Variants in GOLGA8A observed in about 807,000 individuals in gnomAD.
GOLGA8A encodes the protein golgin A8 family member A.
Under a neutral mutation model 22.1 loss-of-function variants are expected in GOLGA8A, and 3 were observed. The observed-to-expected ratio is 0.14, with a 90% confidence interval of 0.06 to 0.35. The LOEUF (loss-of-function observed/expected upper bound fraction) is 0.35, where lower values mean the gene tolerates loss of function less well. Ranked by LOEUF, GOLGA8A falls within the 10% of genes least tolerant of loss-of-function variation. The probability of loss-of-function intolerance (pLI) is 1.00; values close to 1 mark genes in which losing one functional copy is unlikely to be tolerated. For missense variants in GOLGA8A, 16 were observed against 233.2 expected, an observed-to-expected ratio of 0.07 and a Z score of 6.07; for synonymous variants, 7 against 91.7, an observed-to-expected ratio of 0.08 and a Z score of 5.28.
rs756704488 is a variant in GOLGA8A, at chr15:34,381,612, A to C, written c.1611T>G (p.Asp537Glu). The change falls in exon 25 of 25, where the codon GAT (aspartate) becomes GAG (glutamate). Residue 537 changes from aspartate to glutamate, a missense_variant and splice_region_variant. Asp to Glu is a conservative substitution (Grantham distance 45). Coordinates refer to ENST00000359187, the MANE Select transcript of GOLGA8A (RefSeq NM_181077.5). ...TGTTGGTGAGGCTCGCCTCACAAAGATCTTTGGAGAGAGGGAGGCGGGGAT... is the reference window on the plus strand; with the variant it reads ...TGTTGGTGAGGCTCGCCTCACAAAGCTCTTTGGAGAGAGGGAGGCGGGGAT... ...QELGAADKHGDLCEASLTNSV... is the reference protein window; with the variant it reads ...QELGAADKHGELCEASLTNSV... 5.2e-6 allele frequency: 7 copies of C among 1,357,942 alleles called. No homozygotes were observed. The African/African-American group carries it at 8.3e-5, about 16-fold the overall frequency. The allele number at this position is 1,357,942 out of a possible 1,614,324, so 84.1% of individuals were successfully genotyped here. A position where few individuals can be genotyped will look rare whatever the true frequency, so the allele number is the denominator to read the frequency against.
chr15:34,435,269 A>G lies in GOLGA8A; in HGVS notation c.-1123+114T>C, dbSNP rs945359883. 3 of 149,634 alleles carry G rather than the reference A, an allele frequency of 2.0e-5. 1 individual carries two copies. Among genetic ancestry groups the G allele is most frequent in the Admixed American group, 6.7e-5 (1 of 14,818 alleles). 9.3% of individuals were successfully genotyped at this position (149,634 alleles called of 1,614,324 possible). A position where few individuals can be genotyped will look rare whatever the true frequency, so the allele number is the denominator to read the frequency against. ...CCAAACAAAGCCCAGCCTGATGCCA[A>G]TCTCACCATCAACTGTTTTTCCTCT... is the stretch of plus-strand genomic sequence containing the variant. On this transcript the variant is annotated intron_variant, in intron 2 of 24. Coordinates refer to ENST00000359187, the MANE Select transcript of GOLGA8A (RefSeq NM_181077.5).
chr15:34,430,494 C>T (rs1220701355), intron 2 of GOLGA8A, among the ~76,000 whole-genome samples: 4 of 149,068 alleles, frequency 2.7e-5, no homozygotes, highest in East Asian at 2.0e-4. Context: ...CTCAGTCCTG[C>T]CTCAGGGGCT....
At chr15:34,432,970 A>C (rs377751575) in intron 2 of GOLGA8A, among the ~76,000 whole-genome samples, 6 of 148,976 alleles carry the variant, frequency 4.0e-5, no homozygotes, top group Non-Finnish European at 7.5e-5. Context: ...GCCTCAAAAC[A>C]ACCACAGGCA....
At chr15:34,433,219 A>C (rs985640259) in intron 2 of GOLGA8A, among the ~76,000 whole-genome samples, 3 of 149,050 alleles carry the variant, frequency 2.0e-5, no homozygotes, top group African/African-American at 5.0e-5. Flanking sequence ...GGGAAAGCAG[A>C]GTGGCTGAGA....
chr15:34,437,155 G>A lies in GOLGA8A; in HGVS notation c.-1212+243C>T, dbSNP rs1399663000. Among the ~76,000 whole-genome samples, 2 of 147,078 alleles carry A rather than the reference G, an allele frequency of 1.4e-5. 1 individual carries two copies. Among genetic ancestry groups the A allele is most frequent in the Non-Finnish European group, 3.0e-5 (2 of 66,260 alleles). ...CGAAAGCCATCGCCTAGTCCCCGCC[G>A]CACCCGCCCGCCCATCGTGGGAGGA... is the stretch of plus-strand genomic sequence containing the variant. On this transcript the variant is annotated intron_variant, in intron 1 of 24. Transcript: ENST00000359187.
rs566370236 is a variant in GOLGA8A at position 34,430,979 on chromosome 15, C to T, written c.-1123+4404G>A. On this transcript the variant is annotated intron_variant, in intron 2 of 24. Transcript: ENST00000359187. ...TTCAGACAGATGCTAGAGCACATGGCTCACTTATTACACCAAAAGACTGAG... is the reference window on the plus strand; with the variant it reads ...TTCAGACAGATGCTAGAGCACATGGTTCACTTATTACACCAAAAGACTGAG... Among the ~76,000 whole-genome samples the T allele has an allele frequency of 1.9e-3, 279 of 146,508 alleles. 21 individuals are homozygous for T. Among genetic ancestry groups the T allele is most frequent in the African/African-American group, 6.6e-3 (263 of 40,066 alleles).
At chr15:34,434,822 C>T (rs74196569) in intron 2 of GOLGA8A, among the ~76,000 whole-genome samples, 14,067 of 149,326 alleles carry the variant, frequency 0.094, 1,769 homozygotes, top group South Asian at 0.25. Flanking sequence ...GTCCCCAGTG[C>T]TCACGGCCAC....
At chr15:34,417,726 G>A (rs953042740) in intron 2 of GOLGA8A, 47 of 145,924 alleles carry the variant, frequency 3.2e-4, no homozygotes, top group South Asian at 2.1e-3. Context: ...TTTCATTTCC[G>A]TACCAATGGT....
chr15:34,397,405 A>C (rs2140223830), intron 8 of GOLGA8A, among the ~76,000 whole-genome samples: 1 of 147,578 alleles, frequency 6.8e-6, no homozygotes, highest in South Asian at 2.1e-4. Context: ...TTCTTATATA[A>C]TACATTTATT....
At chr15:34,428,437 C>CCA (rs1412731335) in intron 2 of GOLGA8A, among the ~76,000 whole-genome samples, 2 of 148,426 alleles carry the variant, frequency 1.3e-5, no homozygotes, top group Non-Finnish European at 3.0e-5. Context: ...GCAGGCCTTT[C>CCA]CAGTTACAGC....
At chr15:34,434,130 C>T (rs1202898099) in intron 2 of GOLGA8A, among the ~76,000 whole-genome samples, 1 of 149,302 alleles carries the variant, frequency 6.7e-6, no homozygotes, top group African/African-American at 2.5e-5. Flanking sequence ...CAACCCAGGG[C>T]AGATCTGGGC....
rs1354476358 is a variant in GOLGA8A, at chr15:34,420,696, G to A, written c.-1122-12961C>T. The stretch of plus-strand genomic sequence containing the variant: ...TGCTTCAAATAGAAAACACACCATC[G>A]GCGGCCACTCCCCTGAGGAAAGGCA... On this transcript the variant is annotated intron_variant, in intron 2 of 24. Transcript: ENST00000359187. Among the ~76,000 whole-genome samples, 16 of 127,666 alleles carry A rather than the reference G, an allele frequency of 1.3e-4. No homozygotes were observed. In the East Asian group the frequency reaches 2.9e-3, roughly 23 times the overall value. The allele number at this position is 127,666 out of a possible 152,430, so 83.8% of individuals were successfully genotyped here.
rs1892784419 is a variant in GOLGA8A, at chr15:34,421,223, A to G, written c.-1122-13488T>C. Among the ~76,000 whole-genome samples, 2 of 143,738 alleles carry G rather than the reference A, an allele frequency of 1.4e-5. 1 individual carries two copies. The highest frequency in any genetic ancestry group is 3.0e-5 in the Non-Finnish European group (2 of 65,574). 94.3% of individuals were successfully genotyped at this position (143,738 alleles called of 152,430 possible). A position where few individuals can be genotyped will look rare whatever the true frequency, so the allele number is the denominator to read the frequency against. ...GGTCTGCCCAGGCCACCACGGGGGC[A>G]GAGACGTGAAACAGGCTTCAGCTAC... On this transcript the variant is annotated intron_variant, in intron 2 of 24. Transcript: ENST00000359187.
At position 34,431,812 on chromosome 15, in the gene GOLGA8A, A is replaced by T. The variant is rs939790389; in HGVS notation, c.-1123+3571T>A. Among the ~76,000 whole-genome samples, 5 of 148,644 alleles carry T rather than the reference A, an allele frequency of 3.4e-5. 1 individual carries two copies. The highest frequency in any genetic ancestry group is 6.0e-5 in the Non-Finnish European group (4 of 67,116). ...TTTTAAATATTTTATATATTTTTTT[A>T]AAATAAAGTAACTGCACTACAACTT... On this transcript the variant is annotated intron_variant, in intron 2 of 24. Transcript: ENST00000359187.
At chr15:34,431,728 G>A (rs1265979510) in intron 2 of GOLGA8A, among the ~76,000 whole-genome samples, 5 of 148,548 alleles carry the variant, frequency 3.4e-5, no homozygotes, top group African/African-American at 1.2e-4. Flanking sequence ...CCGTACACTA[G>A]TGCAGACTTT....
Position 34,426,239 on chromosome 15 carries a change from G to A in GOLGA8A, c.-1123+9144C>T, listed in dbSNP as rs888236794. On this transcript the variant is annotated intron_variant, in intron 2 of 24. Coordinates refer to ENST00000359187, the MANE Select transcript of GOLGA8A (RefSeq NM_181077.5). ...ATAAACAGTCACATATTATGCAAGCGTCAGAATAACGCTGCTTGCGCAAAG... is the reference window on the plus strand; with the variant it reads ...ATAAACAGTCACATATTATGCAAGCATCAGAATAACGCTGCTTGCGCAAAG... 1.3e-5 allele frequency among the ~76,000 whole-genome samples: 2 copies of A among 149,812 alleles called. 1 individual carries two copies. Among genetic ancestry groups the A allele is most frequent in the Admixed American group, 1.3e-4 (2 of 14,876 alleles).
At chr15:34,435,908 G>A (rs1457617494) in intron 1 of GOLGA8A, among the ~76,000 whole-genome samples, 1 of 148,932 alleles carries the variant, frequency 6.7e-6, no homozygotes, top group Non-Finnish European at 1.5e-5. Context: ...ACTGCCCGGA[G>A]CCCCAGCAGG....
At chr15:34,416,470 C>T (rs1892579859) in intron 2 of GOLGA8A, 2 of 139,480 alleles carry the variant, frequency 1.4e-5, no homozygotes, top group Non-Finnish European at 3.1e-5. Context: ...TAAAATGCCC[C>T]CTTTTGTTCA....
At chr15:34,432,356 A>G (rs1374546407) in intron 2 of GOLGA8A, among the ~76,000 whole-genome samples, 6 of 148,546 alleles carry the variant, frequency 4.0e-5, no homozygotes, top group Non-Finnish European at 1.5e-5. Flanking sequence ...AATCTGATAC[A>G]AAATGGGCCC....
Sources: gnomAD v4.1 joint callset for allele counts (sites outside exome capture counted in the v4.1 genomes callset) on GRCh38, gnomAD v4.1.1 for gene constraint, MANE v1.5 for transcripts, NCBI Gene and HGNC (gene_info 2026-07-23, HGNC 2026-07-21) for gene names.